The following ATF3 variants were observed in gnomAD, a reference collection of about 807,000 sequenced individuals.
ATF3 encodes the protein cyclic AMP-dependent transcription factor ATF-3.
In ATF3, 10 loss-of-function variants were observed where a neutral mutation model predicts 18.4. That is an observed-to-expected ratio of 0.54 (90% confidence interval 0.34 to 0.92). The LOEUF (loss-of-function observed/expected upper bound fraction) is 0.92. ATF3 is among the 40% of genes least tolerant of loss of function. The pLI, the probability that ATF3 is intolerant of heterozygous loss-of-function variation, is 0.02. For synonymous variants in ATF3, 78 were observed against 87.9 expected (o/e 0.89, Z 0.63); for missense variants, 183 against 222.3 (o/e 0.82, Z 1.12).
At chr1:212,596,281 A>G (rs182078577) in intron 1 of ATF3, among the ~76,000 whole-genome samples, 1 of 152,394 alleles carries the variant, frequency 6.6e-6, no homozygotes, top group Admixed American at 6.5e-5. Context: ...ATAAGTGCCT[A>G]CTGATCTTTA....
intron 1 of ATF3, among the ~76,000 whole-genome samples, chr1:212,589,368 GC>G (rs1359582219): frequency 2.6e-5 from 4 of 152,168 alleles, no homozygotes; most frequent in Non-Finnish European, 5.9e-5. Flanking sequence ...AGGGAACTGT[GC>G]TGATATCCTC....
chr1:212,573,483 T>C (rs1416807568), intron 1 of ATF3, among the ~76,000 whole-genome samples: 1 of 152,044 alleles, frequency 6.6e-6, no homozygotes, highest in Non-Finnish European at 1.5e-5. Flanking sequence ...GATACTGTTA[T>C]CTGAATTTGG....
intron 1 of ATF3, among the ~76,000 whole-genome samples, chr1:212,610,060 T>C (rs1393505770): frequency 4.6e-5 from 7 of 152,088 alleles, no homozygotes; most frequent in Non-Finnish European, 1.0e-4. Flanking sequence ...GTCCAGACAG[T>C]GGGGGAAAGG....
chr1:212,611,226 CTG>C (rs1464698665), intron 1 of ATF3, among the ~76,000 whole-genome samples: 1 of 152,198 alleles, frequency 6.6e-6, no homozygotes, highest in African/African-American at 2.4e-5. Flanking sequence ...CCTACCTGGT[CTG>C]TGAAGAACTT....
At chr1:212,601,046 G>T (rs1215405274) in intron 1 of ATF3, among the ~76,000 whole-genome samples, 1 of 152,180 alleles carries the variant, frequency 6.6e-6, no homozygotes, top group East Asian at 1.9e-4. Context: ...GCAGTGTCCG[G>T]TAATAGGACA....
chr1:212,577,750 A>T (rs1418414845), intron 1 of ATF3, among the ~76,000 whole-genome samples: 9 of 152,220 alleles, frequency 5.9e-5, no homozygotes, highest in Admixed American at 2.0e-4. Context: ...GGCAAATGAC[A>T]GGATTTGTTT....
Position 212,601,354 on chromosome 1 carries a change from T to G in ATF3, c.-4-13664T>G, listed in dbSNP as rs376508414. Among the ~76,000 whole-genome samples, 97 of 152,274 alleles carry G rather than the reference T, an allele frequency of 6.4e-4. 2 individuals carry two copies. The South Asian group carries it at 0.019, about 30-fold the overall frequency. On this transcript the variant is annotated intron_variant, in intron 1 of 3. Transcript: ENST00000366981. ...CCTCTGGGACATCAGGAGTAAGAAT[T>G]TTCTGGTAAGGTCAACTCTAGAAGC... is the stretch of plus-strand genomic sequence containing the variant.
rs1655234807 is a variant in ATF3 at position 212,618,567 on chromosome 1, G to C, written c.348+333G>C. 1 of 411,996 alleles carries C rather than the reference G, an allele frequency of 2.4e-6. No individual in the cohort carries two copies. Among genetic ancestry groups the C allele is most frequent in the South Asian group, 2.5e-5 (1 of 40,200 alleles). 25.5% of individuals were successfully genotyped at this position (411,996 alleles called of 1,614,324 possible). On this transcript the variant is annotated intron_variant, in intron 3 of 3. Coordinates refer to ENST00000341491, the MANE Select transcript of ATF3 (RefSeq NM_001674.4). The surrounding 1 kb of genome is among the most constrained non-coding windows in gnomAD (Gnocchi z 4.4). ...AGGCTTCACTTGACTGTTTTCCTGA[G>C]AAAAGGAAGCTGCCAGCTCTCATTT...
At chr1:212,575,571 T>C (rs1200104843) in intron 1 of ATF3, among the ~76,000 whole-genome samples, 2 of 152,152 alleles carry the variant, frequency 1.3e-5, no homozygotes, top group Non-Finnish European at 2.9e-5. Flanking sequence ...GCTTATAACT[T>C]ATAGCCTTCT....
intron 1 of ATF3, among the ~76,000 whole-genome samples, chr1:212,611,846 TAATC>T (rs1472644856): frequency 3.3e-5 from 5 of 152,190 alleles, no homozygotes; most frequent in African/African-American, 7.2e-5. Flanking sequence ...TGATTGGAAA[TAATC>T]AAGCAGAAAC....
chr1:212,618,206 A>G lies in ATF3; in HGVS notation c.320A>G (p.Lys107Arg). The G allele has an allele frequency of 1.2e-6, 2 of 1,614,154 alleles. No homozygotes were observed. The highest frequency in any genetic ancestry group is 1.7e-6 in the Non-Finnish European group (2 of 1,179,982). The stretch of plus-strand genomic sequence containing the variant: ...GCAGCTGCAAAGTGCCGAAACAAGA[A>G]GAAGGAGAAGACGGAGTGCCTGCAG... ...KIAAAKCRNK[K>R]KEKTECLQKE... is the part of the protein sequence containing the mutation. The change falls in exon 3 of 4, where the codon AAG (lysine) becomes AGG (arginine). Residue 107 changes from lysine (K) to arginine (R), a missense_variant. By Grantham distance (26) the Lys-to-Arg change is conservative. Transcript: ENST00000341491. This position sits in a 1 kb window ranked among gnomAD's most constrained non-coding sequence, Gnocchi z 4.4.
intron 1 of ATF3, among the ~76,000 whole-genome samples, chr1:212,593,753 A>T (rs1184345784): frequency 2.6e-5 from 4 of 151,544 alleles, no homozygotes; most frequent in Non-Finnish European, 5.9e-5. Flanking sequence ...TAAAAAAAAA[A>T]AAAAAAAAAA....
At position 212,592,826 on chromosome 1, in the gene ATF3, C is replaced by T. The variant is rs577071858; in HGVS notation, c.-4-22192C>T. On this transcript the variant is annotated intron_variant, in intron 1 of 3. Coordinates refer to the ATF3 transcript ENST00000366981. ...TCTGTGGGTTTGGGTGCTGCCAGCC[C>T]GATACATCCATTGATAACATGGCAT... Among the ~76,000 whole-genome samples the T allele has an allele frequency of 1.6e-4, 24 of 152,012 alleles. 1 individual carries two copies. The highest frequency in any genetic ancestry group is 3.4e-3 in the Middle Eastern group (1 of 292).
intron 1 of ATF3, among the ~76,000 whole-genome samples, chr1:212,585,200 G>A (rs1404675680): frequency 6.6e-6 from 1 of 152,204 alleles, no homozygotes; most frequent in Non-Finnish European, 1.5e-5. Flanking sequence ...AGGTGAGCGG[G>A]GCTCCTGTGT....
In ATF3 at chr1:212,584,543, C is replaced by A. The variant is rs1050862053; in HGVS notation, c.-5+19060C>A. On this transcript the variant is annotated intron_variant, in intron 1 of 3. Transcript: ENST00000366981. Reference sequence around the variant, plus strand: ...GCAGGAGGAGTTACCTTTTACTCAGCCTTTTTGCTGTCTTCAGGACTTCAG... The same window carrying A: ...GCAGGAGGAGTTACCTTTTACTCAGACTTTTTGCTGTCTTCAGGACTTCAG... 1.4e-4 allele frequency among the ~76,000 whole-genome samples: 21 copies of A among 152,248 alleles called. No individual in the cohort carries two copies. The East Asian group carries it at 3.9e-3, about 28-fold the overall frequency.
At chr1:212,590,294 T>C (rs1664858158) in intron 1 of ATF3, among the ~76,000 whole-genome samples, 1 of 151,912 alleles carries the variant, frequency 6.6e-6, no homozygotes, top group African/African-American at 2.4e-5. Flanking sequence ...ACAATACCAA[T>C]ACTTAGGATT....
intron 1 of ATF3, among the ~76,000 whole-genome samples, chr1:212,609,289 T>C (rs932604669): frequency 7.4e-6 from 1 of 134,532 alleles, no homozygotes; most frequent in Non-Finnish European, 1.5e-5. Context: ...GGCGGGTGCG[T>C]TGGGGTGTCC....
At position 212,619,319 on chromosome 1, in the gene ATF3, T is replaced by C. The variant is rs753051033; in HGVS notation, c.349-39T>C. 1 of 1,612,366 alleles carries C rather than the reference T, an allele frequency of 6.2e-7. No homozygotes were observed. Among genetic ancestry groups the C allele is most frequent in the Non-Finnish European group, 8.5e-7 (1 of 1,179,988 alleles). On this transcript the variant is annotated intron_variant, in intron 3 of 3. Transcript: ENST00000341491. This position sits in a 1 kb window ranked among gnomAD's most constrained non-coding sequence, Gnocchi z 4.4. ...CAGGCCACCCCCTCCTCACTGGCCC[T>C]TGGCTCCTTTCTTGATGCCTCTGTT...
chr1:212,600,427 A>G (rs1335113818), intron 1 of ATF3, among the ~76,000 whole-genome samples: 2 of 152,240 alleles, frequency 1.3e-5, no homozygotes, highest in Non-Finnish European at 2.9e-5. Context: ...TTCTCCAAAC[A>G]CTGTGCATGT....
Sources: gnomAD v4.1 joint callset for allele counts (sites outside exome capture counted in the v4.1 genomes callset) on GRCh38, gnomAD v4.1.1 for gene constraint, Gnocchi (gnomAD v3.1) non-coding constraint, MANE v1.5 for transcripts, NCBI Gene and HGNC (gene_info 2026-07-23, HGNC 2026-07-21) for gene names.